Variants in PITPNC1 observed in about 807,000 individuals in gnomAD.
The protein encoded by PITPNC1 is cytoplasmic phosphatidylinositol transfer protein 1.
PITPNC1 carries 18 observed loss-of-function variants against 44.7 expected under a neutral mutation model. That is an observed-to-expected ratio of 0.40 (90% CI 0.28 to 0.60). The LOEUF (loss-of-function observed/expected upper bound fraction) is 0.60, where lower values mean the gene tolerates loss of function less well. Ranked by LOEUF, PITPNC1 falls within the 20% of genes least tolerant of loss-of-function variation. The pLI, the probability that PITPNC1 is intolerant of heterozygous loss-of-function variation, is 0.39. For synonymous variants in PITPNC1, 141 were observed against 149.6 expected (o/e 0.94, Z 0.42); for missense variants, 290 against 418.4 (o/e 0.69, Z 2.68).
At chr17:67,421,192 G>T (rs916233876) in intron 1 of PITPNC1, among the ~76,000 whole-genome samples, 6 of 152,170 alleles carry the variant, frequency 3.9e-5, no homozygotes, top group Non-Finnish European at 5.9e-5. Flanking sequence ...TTCACTCCCT[G>T]TTGGAGTCAT....
intron 1 of PITPNC1, among the ~76,000 whole-genome samples, chr17:67,483,001 CG>C (rs2039724718): frequency 8.6e-6 from 1 of 115,768 alleles, no homozygotes; most frequent in Non-Finnish European, 1.9e-5. Context: ...TATATTATGC[CG>C]CTTGGTAGTC....
intron 6 of PITPNC1, among the ~76,000 whole-genome samples, chr17:67,639,225 C>G (rs1346089518): frequency 6.6e-6 from 1 of 152,156 alleles, no homozygotes; most frequent in East Asian, 1.9e-4. Context: ...ATGGACCAAT[C>G]CAAGGAAAGA....
chr17:67,609,288 CTT>C (rs34987217), intron 5 of PITPNC1, among the ~76,000 whole-genome samples: 236 of 114,258 alleles, frequency 2.1e-3, no homozygotes, highest in Admixed American at 5.3e-3. Flanking sequence ...CTTCTTCTTC[CTT>C]TTTTTTTTTT....
chr17:67,419,798 C>T (rs1012326664), intron 1 of PITPNC1, among the ~76,000 whole-genome samples: 7 of 151,866 alleles, frequency 4.6e-5, no homozygotes, highest in African/African-American at 7.3e-5. Flanking sequence ...CCTAGCTACT[C>T]GGGAGGCTGA....
chr17:67,440,828 G>A (rs1024848330), intron 1 of PITPNC1, among the ~76,000 whole-genome samples: 6 of 151,942 alleles, frequency 3.9e-5, no homozygotes, highest in African/African-American at 1.5e-4. Flanking sequence ...GATTACAGAC[G>A]TGAGCCATCA....
At chr17:67,464,416 T>C (rs1298346678) in intron 1 of PITPNC1, among the ~76,000 whole-genome samples, 1 of 152,150 alleles carries the variant, frequency 6.6e-6, no homozygotes, top group Non-Finnish European at 1.5e-5. Context: ...TTCATCTATA[T>C]TTCAATGAAT....
At chr17:67,651,235 G>A (rs2042205981) in intron 6 of PITPNC1, among the ~76,000 whole-genome samples, 1 of 152,010 alleles carries the variant, frequency 6.6e-6, no homozygotes, top group Non-Finnish European at 1.5e-5. Context: ...TTTATTGGCT[G>A]GGCACAATAG....
rs575791691 is a variant in PITPNC1, at chr17:67,501,235, T to C, written c.49-31567T>C. Among the ~76,000 whole-genome samples the C allele has an allele frequency of 3.3e-5, 5 of 152,308 alleles. No individual in the cohort carries two copies. The South Asian group carries it at 1.0e-3, about 32-fold the overall frequency. On this transcript the variant is annotated intron_variant, in intron 1 of 8. Coordinates refer to ENST00000581322, the MANE Select transcript of PITPNC1 (RefSeq NM_012417.4). ...AGTTCGAGTGAATTCTCTTTTCTTA[T>C]TTACCATCGACTATTCCTTTTGTGT... is the stretch of plus-strand genomic sequence containing the variant.
intron 5 of PITPNC1, among the ~76,000 whole-genome samples, chr17:67,619,921 G>A (rs960692314): frequency 2.6e-5 from 4 of 152,014 alleles, no homozygotes; most frequent in Non-Finnish European, 5.9e-5. Flanking sequence ...TGAACTCACC[G>A]TCCTTCCCAA....
intron 1 of PITPNC1, among the ~76,000 whole-genome samples, chr17:67,480,917 A>G (rs1443828940): frequency 6.6e-6 from 1 of 152,208 alleles, no homozygotes; most frequent in Non-Finnish European, 1.5e-5. Flanking sequence ...TTAAAGAAAT[A>G]AATCTCAGGC....
chr17:67,386,340 C>T (rs914714207), intron 1 of PITPNC1, among the ~76,000 whole-genome samples: 3 of 152,128 alleles, frequency 2.0e-5, no homozygotes, highest in African/African-American at 7.2e-5. Context: ...TTACAGGCGC[C>T]TGCCAGCATG....
At chr17:67,532,046 A>C (rs536808887) in intron 1 of PITPNC1, among the ~76,000 whole-genome samples, 8 of 152,364 alleles carry the variant, frequency 5.3e-5, no homozygotes, top group Admixed American at 4.6e-4. Flanking sequence ...GAAAATGTTC[A>C]TATAGTATGT....
At chr17:67,624,214 CTTTT>C (rs71139163) in intron 5 of PITPNC1, among the ~76,000 whole-genome samples, 2 of 127,126 alleles carry the variant, frequency 1.6e-5, no homozygotes, top group Non-Finnish European at 3.1e-5. Flanking sequence ...TCTTTCTTTT[CTTTT>C]TTTTTTTTTT....
At chr17:67,598,579 T>C (rs2041490412) in intron 5 of PITPNC1, among the ~76,000 whole-genome samples, 3 of 152,142 alleles carry the variant, frequency 2.0e-5, no homozygotes, top group Non-Finnish European at 4.4e-5. Flanking sequence ...CCTTCTACCA[T>C]GTGAGGACAC....
In PITPNC1 at chr17:67,583,897, T is replaced by TGTGTGTGTGTGTG. The variant is rs1568052082; in HGVS notation, c.366+5640_366+5641insGTGTGTGTGTGTG. Among the ~76,000 whole-genome samples, 107 of 106,440 alleles carry TGTGTGTGTGTGTG rather than the reference T, an allele frequency of 1.0e-3. 1 individual carries two copies. The highest frequency in any genetic ancestry group is 3.3e-3 in the African/African-American group (97 of 29,240). 69.8% of individuals were successfully genotyped at this position (106,440 alleles called of 152,430 possible). On this transcript the variant is annotated intron_variant, in intron 5 of 8. Coordinates refer to ENST00000581322, the MANE Select transcript of PITPNC1 (RefSeq NM_012417.4). ...TGTGTGTGTGTGTGTGTGTGTGTGT[T>TGTGTGTGTGTGTG]TGTGTGTGTGTGTGTTTGTGTTTAG...
chr17:67,664,892 G>A (rs1208823019), intron 6 of PITPNC1, among the ~76,000 whole-genome samples: 3 of 146,194 alleles, frequency 2.1e-5, no homozygotes, highest in Non-Finnish European at 4.5e-5. Flanking sequence ...GCGACAGAGC[G>A]AGACTCCATC....
intron 1 of PITPNC1, among the ~76,000 whole-genome samples, chr17:67,385,662 G>A (rs918275381): frequency 1.1e-4 from 16 of 152,094 alleles, no homozygotes; most frequent in Non-Finnish European, 1.9e-4. Context: ...GCGAGACCAA[G>A]AACCCACCGG....
intron 1 of PITPNC1, among the ~76,000 whole-genome samples, chr17:67,531,891 T>C (rs896871219): frequency 2.0e-5 from 3 of 152,072 alleles, no homozygotes; most frequent in Non-Finnish European, 4.4e-5. Context: ...ATTTCCTCCT[T>C]CCTCTCTCCC....
intron 1 of PITPNC1, among the ~76,000 whole-genome samples, chr17:67,517,390 T>C (rs1417307594): frequency 6.6e-6 from 1 of 152,202 alleles, no homozygotes; most frequent in East Asian, 1.9e-4. Flanking sequence ...GTCAAACATG[T>C]TGTTACCATG....
Sources: allele counts gnomAD v4.1 joint callset (sites outside exome capture counted in the v4.1 genomes callset), GRCh38; gene constraint gnomAD v4.1.1; transcripts MANE v1.5; gene names NCBI Gene and HGNC (gene_info 2026-07-23, HGNC 2026-07-21).